Variants in FAIM2 observed in about 807,000 individuals in gnomAD.
FAIM2 encodes protein lifeguard 2.
Under a neutral mutation model 47.4 loss-of-function variants are expected in FAIM2, and 27 were observed. The ratio of observed to expected loss-of-function variants is 0.57; its 90% confidence interval spans 0.42 to 0.78. FAIM2 has a LOEUF of 0.78. Ranked by LOEUF, FAIM2 falls within the 30% of genes least tolerant of loss-of-function variation. The pLI is 0.00. For synonymous variants in FAIM2, 156 were observed against 159.3 expected (o/e 0.98, Z 0.16); for missense variants, 311 against 389.4 (o/e 0.80, Z 1.69).
intron 5 of FAIM2, among the ~76,000 whole-genome samples, chr12:49,893,344 C>T (rs777091868): frequency 1.1e-4 from 17 of 152,210 alleles, no homozygotes; most frequent in Middle Eastern, 3.4e-3. Flanking sequence ...AAGGACTGAC[C>T]GGCAAGGACA....
At chr12:49,879,122 A>G (rs1355520902) in intron 11 of FAIM2, among the ~76,000 whole-genome samples, 1 of 128,952 alleles carries the variant, frequency 7.8e-6, no homozygotes, top group African/African-American at 3.0e-5. Flanking sequence ...GCATGTGTAT[A>G]TGTGCATATC....
rs1946723789 is a variant in FAIM2, at chr12:49,874,604, A to G, written c.802-3951T>C. The stretch of plus-strand genomic sequence containing the variant: ...CGTTGTCCTCCCTGAATGTGGCCCC[A>G]GAGGTGACGCTGAGGGGCTCTGGGC... On this transcript the variant is annotated intron_variant, in intron 11 of 11. Transcript: ENST00000320634. This position sits in a 1 kb window ranked among gnomAD's most constrained non-coding sequence, Gnocchi z 4.2. Among the ~76,000 whole-genome samples the G allele has an allele frequency of 1.3e-5, 2 of 152,222 alleles. No homozygotes were observed. The highest frequency in any genetic ancestry group is 2.9e-5 in the Non-Finnish European group (2 of 68,030).
chr12:49,893,932 G>A (rs1487211348), intron 5 of FAIM2, among the ~76,000 whole-genome samples: 1 of 152,184 alleles, frequency 6.6e-6, no homozygotes, highest in African/African-American at 2.4e-5. Context: ...AGCCAGAGTG[G>A]AAGCTTCCTG....
chr12:49,871,129 G>C (rs536087050), intron 11 of FAIM2, among the ~76,000 whole-genome samples: 3 of 152,174 alleles, frequency 2.0e-5, no homozygotes, highest in Non-Finnish European at 4.4e-5. Context: ...GCAGGGCCCG[G>C]GCACTTGTGC....
rs1326552610 is a variant in FAIM2, at chr12:49,867,178, G to C, written c.*3326C>G. 6.6e-6 allele frequency: 1 copy of C among 152,310 alleles called. No homozygotes were observed. Among genetic ancestry groups the C allele is most frequent in the East Asian group, 1.9e-4 (1 of 5,188 alleles). 9.4% of individuals were successfully genotyped at this position (152,310 alleles called of 1,614,324 possible). On this transcript the variant is annotated 3_prime_UTR_variant, in exon 12 of 12. Coordinates refer to ENST00000320634, the MANE Select transcript of FAIM2 (RefSeq NM_012306.4). ...AGAAAACAGCGGTGGCTGATGAGAA[G>C]ACAGGTCTGGGGAGGTCTGAGGAGA...
Position 49,890,269 on chromosome 12 carries a change from A to T in FAIM2, c.526-115T>A, listed in dbSNP as rs1565617955. 4 of 893,924 alleles carry T rather than the reference A, an allele frequency of 4.5e-6. No homozygotes were observed. In the African/African-American group the frequency reaches 6.6e-5, roughly 15 times the overall value. 55.4% of individuals were successfully genotyped at this position (893,924 alleles called of 1,614,324 possible). ...GCAGGTACCCCTCAACTCTTTGTCT[A>T]TGTCACCCCCACACACACTGACTTT... On this transcript the variant is annotated intron_variant, in intron 7 of 11. Transcript: ENST00000320634.
intron 11 of FAIM2, among the ~76,000 whole-genome samples, chr12:49,872,180 G>A (rs928471910): frequency 6.6e-6 from 1 of 152,174 alleles, no homozygotes; most frequent in African/African-American, 2.4e-5. Context: ...CAGCGTCATG[G>A]GGGACACTTA....
Position 49,897,586 on chromosome 12 carries a change from G to C in FAIM2, c.316-3C>G. ...TGAATCAGCAGGATGGTGTAGACCTGGGGGTGGGAGGGGTTCTACTCAGCT... is the reference window on the plus strand; with the variant it reads ...TGAATCAGCAGGATGGTGTAGACCTCGGGGTGGGAGGGGTTCTACTCAGCT... On this transcript the variant is annotated splice_region_variant and splice_polypyrimidine_tract_variant and intron_variant, in intron 3 of 11. Coordinates refer to ENST00000320634, the MANE Select transcript of FAIM2 (RefSeq NM_012306.4). The C allele has an allele frequency of 1.9e-6, 3 of 1,608,582 alleles. No individual in the cohort carries two copies. The highest frequency in any genetic ancestry group is 2.5e-6 in the Non-Finnish European group (3 of 1,177,372).
chr12:49,897,412 G>T, intron 4 of FAIM2, 107 bp downstream of exon 4: 1 of 1,055,166 alleles, frequency 9.5e-7, no homozygotes, highest in Non-Finnish European at 1.4e-6. Flanking sequence ...CTGCCCCACA[G>T]GCATCTCTCC....
intron 1 of FAIM2, chr12:49,901,550 G>T: frequency 2.3e-6 from 1 of 440,596 alleles, no homozygotes; most frequent in East Asian, 3.8e-5. Context: ...GATAGGAACA[G>T]AGGAAAGAGA....
At chr12:49,881,072 C>A (rs970579158) in intron 11 of FAIM2, among the ~76,000 whole-genome samples, 1 of 152,306 alleles carries the variant, frequency 6.6e-6, no homozygotes, top group Admixed American at 6.5e-5. Flanking sequence ...AACATCGGAA[C>A]TGGAGGTCCA....
intron 11 of FAIM2, among the ~76,000 whole-genome samples, chr12:49,884,385 G>T: frequency 6.6e-6 from 1 of 152,162 alleles, no homozygotes; most frequent in East Asian, 1.9e-4. Flanking sequence ...AGGGAATGGG[G>T]CAGGAGTGAG....
intron 3 of FAIM2, 146 bp from the exon 4 acceptor site, chr12:49,897,729 C>T: frequency 1.5e-6 from 1 of 666,754 alleles, no homozygotes; most frequent in Non-Finnish European, 2.6e-6. Flanking sequence ...CAGGGCAAGG[C>T]GAAAGGAAAG....
At chr12:49,872,594 TC>T (rs1218830383) in intron 11 of FAIM2, among the ~76,000 whole-genome samples, 1 of 151,654 alleles carries the variant, frequency 6.6e-6, no homozygotes, top group Non-Finnish European at 1.5e-5. Flanking sequence ...GGTGCAATGC[TC>T]CCCCCGGCAG....
rs1491141540 is a variant in FAIM2, at chr12:49,878,110, GTA to G, written c.802-7459_802-7458del. 2.6e-3 allele frequency among the ~76,000 whole-genome samples: 350 copies of G among 137,134 alleles called. 24 individuals are homozygous for G. The highest frequency in any genetic ancestry group is 9.4e-3 in the African/African-American group (342 of 36,264). 90.0% of individuals were successfully genotyped at this position (137,134 alleles called of 152,430 possible). ...TGTGAGTGCATGTGTGTGCATGTGT[GTA>G]TGTGGGTATGTGTGCATGTGAGTGT... On this transcript the variant is annotated intron_variant, in intron 11 of 11. Transcript: ENST00000320634.
Position 49,889,503 on chromosome 12 carries a change from G to A in FAIM2, c.629C>T (p.Thr210Ile), listed in dbSNP as rs746490841. 7.4e-6 allele frequency: 12 copies of A among 1,613,984 alleles called. No individual in the cohort carries two copies. The highest frequency in any genetic ancestry group is 1.3e-5 in the African/African-American group (1 of 74,910). Residue 210 changes from threonine (T) to isoleucine (I), a missense_variant, in exon 9 of 12, where the codon ACC becomes ATC. Physicochemically the swap from Thr to Ile is moderately conservative, Grantham distance 89 (BLOSUM62 -1). Coordinates refer to ENST00000320634, the MANE Select transcript of FAIM2 (RefSeq NM_012306.4). ...GACCTTGGTCTGGAAGCTGAAGACG[G>A]TGACTGAGAGGCAGACAAGGGCCGT... ...GITALVCLSVTVFSFQTKFDF... is the reference protein window; with the variant it reads ...GITALVCLSVIVFSFQTKFDF...
chr12:49,889,007 G>T, intron 10 of FAIM2, 100 bp downstream of exon 10: 1 of 856,460 alleles, frequency 1.2e-6, no homozygotes, highest in Non-Finnish European at 1.9e-6. Context: ...GTGGGGCCTT[G>T]GCTCCTGGCC....
At chr12:49,870,747 C>T in intron 11 of FAIM2, 94 bp from the exon 12 acceptor site, 1 of 1,236,620 alleles carries the variant, frequency 8.1e-7, no homozygotes, top group Non-Finnish European at 1.1e-6. Flanking sequence ...GCCCCACCCC[C>T]AATTTTATTA....
chr12:49,893,595 A>C (rs1463976403), intron 5 of FAIM2, among the ~76,000 whole-genome samples: 3 of 152,166 alleles, frequency 2.0e-5, no homozygotes, highest in East Asian at 1.9e-4. Flanking sequence ...CAAAAGACCC[A>C]AAAAAACGAA....
Sources: gnomAD v4.1 joint callset for allele counts (sites outside exome capture counted in the v4.1 genomes callset) on GRCh38, gnomAD v4.1.1 for gene constraint, Gnocchi (gnomAD v3.1) non-coding constraint, MANE v1.5 for transcripts, NCBI Gene and HGNC (gene_info 2026-07-23, HGNC 2026-07-21) for gene names.